Variants in HOOK1 observed in about 807,000 individuals in gnomAD.
The protein encoded by HOOK1 is hook microtubule tethering protein 1, also known as protein Hook homolog 1.
HOOK1 carries 60 observed loss-of-function variants against 112.8 expected under a neutral mutation model. The observed-to-expected ratio is 0.53, with a 90% confidence interval of 0.43 to 0.66. The LOEUF is 0.66. HOOK1 is among the 30% of genes least tolerant of loss of function. The probability of loss-of-function intolerance (pLI) is 0.00; values close to 1 mark genes in which losing one functional copy is unlikely to be tolerated. For synonymous variants in HOOK1, 294 were observed against 283.8 expected, an observed-to-expected ratio of 1.04 and a Z score of -0.36; for missense variants, 770 against 856.0, an observed-to-expected ratio of 0.90 and a Z score of 1.25.
Position 59,847,057 on chromosome 1 carries a change from A to G in HOOK1, c.801A>G (p.Ala267=). 6.3e-7 allele frequency: 1 copy of G among 1,594,840 alleles called. No individual in the cohort carries two copies. The highest frequency in any genetic ancestry group is 8.5e-7 in the Non-Finnish European group (1 of 1,173,276). Residue 267 remains alanine (A), a synonymous_variant, in exon 10 of 22, where the codon GCA becomes GCG. Coordinates refer to ENST00000371208, the MANE Select transcript of HOOK1 (RefSeq NM_015888.6). ...LQEENFRLEA[A]KDDYRVHCEE... ...TTATTTGTTCAAGGCTTGAAGCTGC[A>G]AAAGATGATTACCGTGTTCACTGTG...
At chr1:59,847,232 T>C in intron 10 of HOOK1, 47 bp downstream of exon 10, 1 of 1,483,864 alleles carries the variant, frequency 6.7e-7, no homozygotes, top group Non-Finnish European at 9.2e-7. Flanking sequence ...CTGAGCTATT[T>C]AGTCAATTTG....
At chr1:59,864,822 G>A (rs1643930211) in intron 17 of HOOK1, 156 bp downstream of exon 17, 5 of 591,794 alleles carry the variant, frequency 8.4e-6, no homozygotes, top group South Asian at 2.3e-5. Context: ...TAAAGATTCA[G>A]CCTCCCTACT....
intron 3 of HOOK1, among the ~76,000 whole-genome samples, chr1:59,830,808 C>G (rs1459265786): frequency 1.3e-5 from 2 of 151,802 alleles, no homozygotes; most frequent in Non-Finnish European, 2.9e-5. Flanking sequence ...ATTTTGGTTC[C>G]CACTTTCCTG....
rs527652327 is a variant in HOOK1 at position 59,840,396 on chromosome 1, G to T, written c.621+5G>T. On this transcript the variant is annotated splice_donor_5th_base_variant and intron_variant, in intron 8 of 21. Transcript: ENST00000371208. ...TGTGAAGAATTGGATATGCAGGTAC[G>T]GGAAAAAACCCTGAGCTGAGAAAAA... 1 of 1,541,430 alleles carries T rather than the reference G, an allele frequency of 6.5e-7. No homozygotes were observed. Among genetic ancestry groups the T allele is most frequent in the Admixed American group, 2.1e-5 (1 of 47,584 alleles).
At chr1:59,860,513 T>G (rs975525868) in intron 15 of HOOK1, among the ~76,000 whole-genome samples, 185 bp downstream of exon 15, 2 of 152,154 alleles carry the variant, frequency 1.3e-5, no homozygotes, top group African/African-American at 4.8e-5. Context: ...GTCAGGTGAT[T>G]CATTTCAGTT....
At chr1:59,860,927 C>G (rs2098413283) in intron 15 of HOOK1, among the ~76,000 whole-genome samples, 1 of 152,110 alleles carries the variant, frequency 6.6e-6, no homozygotes, top group African/African-American at 2.4e-5. Flanking sequence ...GCACACGCCA[C>G]TACGCCTGGC....
intron 1 of HOOK1, among the ~76,000 whole-genome samples, chr1:59,817,599 C>G (rs1044760848): frequency 6.6e-6 from 1 of 152,164 alleles, no homozygotes; most frequent in Non-Finnish European, 1.5e-5. Flanking sequence ...TCAAGCCTAT[C>G]ATGCTGCATT....
In HOOK1 at chr1:59,836,940, G is replaced by A. The variant is rs2098398136; in HGVS notation, c.537+5G>A. The stretch of plus-strand genomic sequence containing the variant: ...GTTGGAGAATTGGAGCAACAGGTGA[G>A]TATTTTAGTATGGAAGAAAAATGTT... On this transcript the variant is annotated splice_donor_5th_base_variant and intron_variant, in intron 7 of 21. Transcript: ENST00000371208. 6.3e-7 allele frequency: 1 copy of A among 1,575,060 alleles called. No individual in the cohort carries two copies. The highest frequency in any genetic ancestry group is 1.1e-5 in the South Asian group (1 of 87,538).
At chr1:59,850,428 T>G (rs1408329133) in intron 12 of HOOK1, among the ~76,000 whole-genome samples, 1 of 151,494 alleles carries the variant, frequency 6.6e-6, no homozygotes, top group African/African-American at 2.4e-5. Context: ...TGGTGATGTT[T>G]CTAAAAAAAC....
intron 1 of HOOK1, among the ~76,000 whole-genome samples, chr1:59,819,713 G>A (rs1157686129): frequency 6.6e-6 from 1 of 152,008 alleles, no homozygotes; most frequent in African/African-American, 2.4e-5. Flanking sequence ...ATCATGAATT[G>A]TGTCAATTTT....
At chr1:59,821,763 T>G (rs1388169536) in intron 1 of HOOK1, 95 bp from the exon 2 acceptor site, 2 of 895,464 alleles carry the variant, frequency 2.2e-6, no homozygotes, top group Non-Finnish European at 3.3e-6. Context: ...TTTTTTTTTG[T>G]TTTTTTTAGC....
chr1:59,859,808 A>T, intron 14 of HOOK1, among the ~76,000 whole-genome samples: 1 of 151,976 alleles, frequency 6.6e-6, no homozygotes, highest in African/African-American at 2.4e-5. Flanking sequence ...CTTTTCTTTT[A>T]TGTGTTTTCT....
At chr1:59,840,599 TC>T (rs1304607240) in intron 8 of HOOK1, among the ~76,000 whole-genome samples, 2 of 152,046 alleles carry the variant, frequency 1.3e-5, no homozygotes, top group Non-Finnish European at 1.5e-5. Flanking sequence ...GGCTTAACTT[TC>T]TTTGAGAAAA....
At chr1:59,860,167 G>T (rs759916957) in intron 14 of HOOK1, 21 bp from the exon 15 acceptor site, 13 of 1,544,024 alleles carry the variant, frequency 8.4e-6, no homozygotes, top group Middle Eastern at 1.7e-4. Flanking sequence ...AATTAAAAAA[G>T]ATTTTGCTTT....
intron 8 of HOOK1, among the ~76,000 whole-genome samples, chr1:59,841,183 G>A (rs1172623299): frequency 6.6e-6 from 1 of 152,118 alleles, no homozygotes; most frequent in South Asian, 2.1e-4. Context: ...ATACAAATGT[G>A]CATATTATGC....
At chr1:59,865,283 A>G (rs1374515213) in intron 18 of HOOK1, 38 bp downstream of exon 18, 4 of 1,248,816 alleles carry the variant, frequency 3.2e-6, no homozygotes, top group Non-Finnish European at 2.4e-6. Context: ...ACAACAGTAT[A>G]TCTAAGGACT....
At chr1:59,871,753 T>C (rs1487410337) in intron 21 of HOOK1, among the ~76,000 whole-genome samples, 1 of 152,224 alleles carries the variant, frequency 6.6e-6, no homozygotes, top group Non-Finnish European at 1.5e-5. Flanking sequence ...TTTTATCTCT[T>C]ATTTATACAA....
At chr1:59,865,824 T>C in intron 18 of HOOK1, 48 bp from the exon 19 acceptor site, 1 of 779,288 alleles carries the variant, frequency 1.3e-6, no homozygotes, top group Non-Finnish European at 2.1e-6. Flanking sequence ...TTTTAATAGG[T>C]AGTAAATATT....
chr1:59,875,389 G>A lies in HOOK1; in HGVS notation c.*2424G>A, dbSNP rs1361949323. 1 of 152,572 alleles carries A rather than the reference G, an allele frequency of 6.6e-6. No homozygotes were observed. Among genetic ancestry groups the A allele is most frequent in the East Asian group, 1.9e-4 (1 of 5,204 alleles). The allele number at this position is 152,572 out of a possible 1,614,324, so 9.5% of individuals were successfully genotyped here. On this transcript the variant is annotated 3_prime_UTR_variant, in exon 22 of 22. Transcript: ENST00000371208. ...ATGTAAGTATTTATATAAGACTAAT[G>A]TAATTTAAAGTTCTGTATTATTGTG... is the stretch of plus-strand genomic sequence containing the variant.
Sources: gnomAD v4.1 joint callset for allele counts (sites outside exome capture counted in the v4.1 genomes callset) on GRCh38, gnomAD v4.1.1 for gene constraint, MANE v1.5 for transcripts, NCBI Gene and HGNC (gene_info 2026-07-23, HGNC 2026-07-21) for gene names.